The following LONRF2 variants were observed in gnomAD, a reference collection of about 807,000 sequenced individuals.
LONRF2 encodes LON peptidase N-terminal domain and RING finger protein 2.
Under a neutral mutation model 66.6 loss-of-function variants are expected in LONRF2, and 35 were observed. The ratio of observed to expected loss-of-function variants is 0.53; its 90% CI spans 0.40 to 0.70. The LOEUF (loss-of-function observed/expected upper bound fraction) is 0.70, where lower values mean the gene tolerates loss of function less well. Among genes scored for constraint, LONRF2 ranks in the 30% least tolerant of loss-of-function variants. The pLI is 0.00. For synonymous variants in LONRF2, 417 were observed against 418.1 expected (o/e 1.00, Z 0.03); for missense variants, 902 against 1,002.1 (o/e 0.90, Z 1.35).
At chr2:100,319,722 A>C (rs1194493187) in intron 1 of LONRF2, among the ~76,000 whole-genome samples, 1 of 152,224 alleles carries the variant, frequency 6.6e-6, no homozygotes, top group African/African-American at 2.4e-5. Flanking sequence ...ATGAAAACAT[A>C]ATCATATATT....
At chr2:100,302,028 G>A (rs912805203) in intron 3 of LONRF2, among the ~76,000 whole-genome samples, 1 of 152,154 alleles carries the variant, frequency 6.6e-6, no homozygotes, top group African/African-American at 2.4e-5. Context: ...TTGCTCTGAA[G>A]TTCTTACTTT....
Position 100,321,845 on chromosome 2 carries a change from G to T in LONRF2, c.249C>A (p.Gly83=). The T allele has an allele frequency of 8.7e-7, 1 of 1,153,394 alleles. No homozygotes were observed. Among genetic ancestry groups the T allele is most frequent in the Non-Finnish European group, 1.1e-6 (1 of 940,596 alleles). The allele number at this position is 1,153,394 out of a possible 1,614,324, so 71.4% of individuals were successfully genotyped here. A position where few individuals can be genotyped will look rare whatever the true frequency, so the allele number is the denominator to read the frequency against. ...RLPEALGAFR[G]AARLGALRPE... The stretch of plus-strand genomic sequence containing the variant: ...GCCGCAGCGCCCCGAGCCGCGCGGC[G>T]CCGCGGAACGCGCCCAGGGCTTCGG... The change falls in exon 1 of 12, where the codon GGC becomes GGA. Residue 83 remains glycine (G), a synonymous_variant. Transcript: ENST00000393437.
intron 1 of LONRF2, among the ~76,000 whole-genome samples, chr2:100,311,886 T>C (rs1199262680): frequency 1.3e-5 from 2 of 152,190 alleles, no homozygotes; most frequent in Non-Finnish European, 1.5e-5. Flanking sequence ...ATGGTCCTAG[T>C]ATAAGCTCTT....
At chr2:100,305,314 T>A (rs11691684) in intron 2 of LONRF2, among the ~76,000 whole-genome samples, 73,784 of 152,056 alleles carry the variant, frequency 0.49, 18,250 homozygotes, top group East Asian at 0.73. Context: ...TTATTTTTTT[T>A]AATACAGTTC....
Position 100,290,267 on chromosome 2 carries a change from T to C in LONRF2, c.1911A>G (p.Glu637=). The C allele has an allele frequency of 6.2e-7, 1 of 1,612,784 alleles. No individual in the cohort carries two copies. Among genetic ancestry groups the C allele is most frequent in the Non-Finnish European group, 8.5e-7 (1 of 1,179,480 alleles). The change falls in exon 10 of 12, where the codon GAA becomes GAG. Residue 637 remains glutamate, a synonymous_variant. Transcript: ENST00000393437. ...GYNTADIEYL[E]DEKVEGPEYE... is the part of the protein sequence containing the mutation. ...GTATGATAAGCCTTACCTTTTCATC[T>C]TCAAGATATTCAATGTCCGCTGTGT...
At position 100,282,749 on chromosome 2, in the gene LONRF2, T is replaced by C. The variant is rs1674763962; in HGVS notation, c.*1549A>G. On this transcript the variant is annotated 3_prime_UTR_variant, in exon 12 of 12. Transcript: ENST00000393437. ...TTGGAAAATACTTTCACATTTTCTC[T>C]TTACAATTAAGTGATGCTGGTATTT... is the stretch of plus-strand genomic sequence containing the variant. The C allele has an allele frequency of 6.6e-6, 1 of 152,152 alleles. No individual in the cohort carries two copies. The highest frequency in any genetic ancestry group is 2.4e-5 in the African/African-American group (1 of 41,426). The allele number at this position is 152,152 out of a possible 1,614,324, so 9.4% of individuals were successfully genotyped here.
At chr2:100,289,817 G>A (rs1016909161) in intron 10 of LONRF2, among the ~76,000 whole-genome samples, 1 of 152,166 alleles carries the variant, frequency 6.6e-6, no homozygotes, top group African/African-American at 2.4e-5. Flanking sequence ...AACTGCTGAA[G>A]GCAGGGGCTC....
chr2:100,285,614 T>G (rs1334215677), intron 11 of LONRF2, among the ~76,000 whole-genome samples: 7 of 152,168 alleles, frequency 4.6e-5, no homozygotes, highest in African/African-American at 1.7e-4. Context: ...TGTGTTCATA[T>G]AGGGTCCTGT....
chr2:100,305,251 GT>G (rs1201663479), intron 2 of LONRF2, among the ~76,000 whole-genome samples: 1 of 152,004 alleles, frequency 6.6e-6, no homozygotes, highest in Non-Finnish European at 1.5e-5. Context: ...TCATGTGCAG[GT>G]TTTTTTAGAA....
chr2:100,311,791 C>T (rs756458467), intron 1 of LONRF2, among the ~76,000 whole-genome samples: 9 of 152,114 alleles, frequency 5.9e-5, no homozygotes, highest in Admixed American at 1.3e-4. Flanking sequence ...CTGCTTTCAG[C>T]ATCTGAGAGA....
At chr2:100,315,790 C>T (rs547369941) in intron 1 of LONRF2, among the ~76,000 whole-genome samples, 2 of 152,250 alleles carry the variant, frequency 1.3e-5, no homozygotes, top group South Asian at 2.1e-4. Context: ...AAACATTGGG[C>T]TGTATTTTTC....
intron 6 of LONRF2, 49 bp from the exon 7 acceptor site, chr2:100,298,999 C>G (rs769087358): frequency 7.0e-7 from 1 of 1,423,512 alleles, no homozygotes; most frequent in South Asian, 1.1e-5. Flanking sequence ...GACAGACTTT[C>G]AAATCATGGA....
rs748567670 is a variant in LONRF2, at chr2:100,321,622, A to G, written c.472T>C (p.Cys158Arg). ...RLLHKPVTLP[C>R]GLTVCKRCVE... The stretch of plus-strand genomic sequence containing the variant: ...CAGCGCTTGCAGACTGTGAGCCCGC[A>G]GGGCAGCGTCACCGGCTTATGCAGC... The change falls in exon 1 of 12, where the codon TGC (cysteine) becomes CGC (arginine). Residue 158 changes from cysteine (C) to arginine (R), a missense_variant. Coordinates refer to ENST00000393437, the MANE Select transcript of LONRF2 (RefSeq NM_198461.4). 1 of 1,491,280 alleles carries G rather than the reference A, an allele frequency of 6.7e-7. No homozygotes were observed. The highest frequency in any genetic ancestry group is 1.3e-5 in the South Asian group (1 of 79,170). 92.4% of individuals were successfully genotyped at this position (1,491,280 alleles called of 1,614,324 possible). A position where few individuals can be genotyped will look rare whatever the true frequency, so the allele number is the denominator to read the frequency against.
At chr2:100,319,563 A>T (rs1052464177) in intron 1 of LONRF2, among the ~76,000 whole-genome samples, 3 of 152,122 alleles carry the variant, frequency 2.0e-5, no homozygotes, top group African/African-American at 4.8e-5. Context: ...TCCTACAGTA[A>T]TTTTGTCTGT....
intron 4 of LONRF2, 89 bp from the exon 5 acceptor site, chr2:100,300,007 T>TG (rs1553540603): frequency 1.1e-5 from 5 of 446,216 alleles, no homozygotes; most frequent in Non-Finnish European, 1.4e-5. Context: ...CTAGAAATCT[T>TG]TGGAAAAAAA....
intron 11 of LONRF2, among the ~76,000 whole-genome samples, chr2:100,285,793 C>T (rs1379775743): frequency 6.6e-6 from 1 of 152,200 alleles, no homozygotes; most frequent in Non-Finnish European, 1.5e-5. Context: ...CGCATGCTGC[C>T]ATCACCCTGA....
Position 100,322,152 on chromosome 2 carries a change from C to G in LONRF2, c.-59G>C. The stretch of plus-strand genomic sequence containing the variant: ...GAAGGCGCGGAGCAGGGAGGATGCG[C>G]TGCTGCTGGGAACTGGCCGGCGGGA... On this transcript the variant is annotated 5_prime_UTR_variant, in exon 1 of 12. Transcript: ENST00000393437. The G allele has an allele frequency of 8.3e-7, 1 of 1,206,816 alleles. No homozygotes were observed. The highest frequency in any genetic ancestry group is 1.0e-6 in the Non-Finnish European group (1 of 970,980). The allele number at this position is 1,206,816 out of a possible 1,614,324, so 74.8% of individuals were successfully genotyped here. A position where few individuals can be genotyped will look rare whatever the true frequency, so the allele number is the denominator to read the frequency against.
intron 1 of LONRF2, among the ~76,000 whole-genome samples, chr2:100,320,218 A>G (rs1200828000): frequency 2.0e-5 from 3 of 152,208 alleles, no homozygotes; most frequent in Admixed American, 6.5e-5. Flanking sequence ...GAAAATCCCA[A>G]ATTATGTGTG....
chr2:100,319,078 C>T (rs552521535), intron 1 of LONRF2, among the ~76,000 whole-genome samples: 4 of 149,618 alleles, frequency 2.7e-5, no homozygotes, highest in South Asian at 2.1e-4. Context: ...TGTAGAGCCA[C>T]GCCACTACAC....
Sources: allele counts gnomAD v4.1 joint callset (sites outside exome capture counted in the v4.1 genomes callset), GRCh38; gene constraint gnomAD v4.1.1; transcripts MANE v1.5; gene names NCBI Gene and HGNC (gene_info 2026-07-23, HGNC 2026-07-21).